Variants in PCDHGB5 observed in about 807,000 individuals in gnomAD.
The protein encoded by PCDHGB5 is protocadherin gamma subfamily B, 5, also known as protocadherin gamma-B5.
Under a neutral mutation model 62.9 loss-of-function variants are expected in PCDHGB5, and 48 were observed. The ratio of observed to expected loss-of-function variants is 0.76; its 90% CI spans 0.61 to 0.97. The LOEUF (loss-of-function observed/expected upper bound fraction) is 0.97. Ranked by LOEUF, PCDHGB5 falls within the 50% of genes least tolerant of loss-of-function variation. PCDHGB5 has a pLI of 0.00. For missense variants in PCDHGB5, 1,118 were observed against 1,198.6 expected, an observed-to-expected ratio of 0.93 and a Z score of 0.99; for synonymous variants, 474 against 511.2, an observed-to-expected ratio of 0.93 and a Z score of 0.98.
At position 141,408,901 on chromosome 5, in the gene PCDHGB5, G is replaced by A. The variant is rs529239605; in HGVS notation, c.2397+8377G>A. On this transcript the variant is annotated intron_variant, in intron 1 of 3. Transcript: ENST00000617380. ...CCGCTCACATAGAAATTTCTGTCAA[G>A]GATACCAATGATAACCCCCCGGTTT... 269 of 1,613,216 alleles carry A rather than the reference G, an allele frequency of 1.7e-4. 6 individuals carry two copies. The South Asian group carries it at 2.8e-3, about 17-fold the overall frequency.
Position 141,489,517 on chromosome 5 carries a change from G to C in PCDHGB5, c.2398-5290G>C. The C allele has an allele frequency of 6.2e-7, 1 of 1,614,136 alleles. No individual in the cohort carries two copies. Among genetic ancestry groups the C allele is most frequent in the Non-Finnish European group, 8.5e-7 (1 of 1,180,044 alleles). On this transcript the variant is annotated intron_variant, in intron 1 of 3. Transcript: ENST00000617380. The surrounding 1 kb of genome is among the most constrained non-coding windows in gnomAD (Gnocchi z 4.5). ...GGCAGTGAATCAAAAGATTGACCGA[G>C]AAAGCCTATGTGGAGCCAGCACCAG...
chr5:141,410,628 T>G (rs758174899), intron 1 of PCDHGB5: 1 of 1,602,040 alleles, frequency 6.2e-7, no homozygotes, highest in South Asian at 1.1e-5. Context: ...TCGGTGAGTT[T>G]CTCTTTTTTG....
chr5:141,483,730 T>G (rs999201456), intron 1 of PCDHGB5, among the ~76,000 whole-genome samples: 1 of 152,014 alleles, frequency 6.6e-6, no homozygotes, highest in Non-Finnish European at 1.5e-5. Flanking sequence ...CCCACCATAG[T>G]CAAAAGGATA....
chr5:141,471,124 A>C (rs2099250596), intron 1 of PCDHGB5, among the ~76,000 whole-genome samples: 1 of 141,916 alleles, frequency 7.0e-6, no homozygotes, highest in East Asian at 2.1e-4. Flanking sequence ...TCTTACCTTC[A>C]CTGCAACCTC....
At chr5:141,475,218 A>G (rs2154572291) in intron 1 of PCDHGB5, among the ~76,000 whole-genome samples, 1 of 152,326 alleles carries the variant, frequency 6.6e-6, no homozygotes, top group African/African-American at 2.4e-5. Flanking sequence ...GGATTGATCA[A>G]GTAAAGGGAA....
chr5:141,423,423 G>C (rs1561809630), intron 1 of PCDHGB5: 2 of 1,614,096 alleles, frequency 1.2e-6, no homozygotes, highest in Non-Finnish European at 8.5e-7. Flanking sequence ...CTGAAGGCGG[G>C]TTGGCAGGTA....
intron 1 of PCDHGB5, among the ~76,000 whole-genome samples, chr5:141,420,845 G>A (rs1038454602): frequency 6.6e-6 from 1 of 152,200 alleles, no homozygotes; most frequent in African/African-American, 2.4e-5. Flanking sequence ...GGTGTTCTTG[G>A]TAAAGTTTTA....
chr5:141,398,512 C>G lies in PCDHGB5; in HGVS notation c.385C>G (p.His129Asp). 1.3e-6 allele frequency: 2 copies of G among 1,588,756 alleles called. No homozygotes were observed. The highest frequency in any genetic ancestry group is 1.7e-6 in the Non-Finnish European group (2 of 1,168,252). The stretch of plus-strand genomic sequence containing the variant: ...TGTGGAGATCGAGGACATTAATGAC[C>G]ACACGCCAAAATTCACGCAAAATTC... ...VNVEIEDINDHTPKFTQNSFE... is the reference protein window; with the variant it reads ...VNVEIEDINDDTPKFTQNSFE... Residue 129 changes from histidine (H) to aspartate (D), a missense_variant, in exon 1 of 4, where the codon CAC (histidine) becomes GAC (aspartate). This residue lies in a region of PCDHGB5 where 1,034 missense variants were observed against 1,029.1 expected (regional missense o/e 1.00). Coordinates refer to ENST00000617380, the MANE Select transcript of PCDHGB5 (RefSeq NM_018925.3).
intron 2 of PCDHGB5, among the ~76,000 whole-genome samples, chr5:141,496,104 G>A (rs950960102): frequency 6.8e-6 from 1 of 146,980 alleles, no homozygotes; most frequent in African/African-American, 2.5e-5. Context: ...CCAACACCCC[G>A]CTCTCTTCCT....
At chr5:141,429,647 T>C (rs1430094173) in intron 1 of PCDHGB5, among the ~76,000 whole-genome samples, 2 of 152,272 alleles carry the variant, frequency 1.3e-5, no homozygotes, top group African/African-American at 4.8e-5. Flanking sequence ...TATATATTTC[T>C]TCCCAATTTA....
At chr5:141,426,052 G>T (rs2096912121) in intron 1 of PCDHGB5, among the ~76,000 whole-genome samples, 1 of 152,162 alleles carries the variant, frequency 6.6e-6, no homozygotes, top group South Asian at 2.1e-4. Flanking sequence ...TGGCCAATGT[G>T]CTGCAAGAAC....
intron 1 of PCDHGB5, among the ~76,000 whole-genome samples, chr5:141,406,261 C>T (rs2154537343): frequency 6.6e-6 from 1 of 152,132 alleles, no homozygotes; most frequent in African/African-American, 2.4e-5. Flanking sequence ...CTCAAACGAT[C>T]TTCCTGCTTC....
intron 1 of PCDHGB5, chr5:141,426,874 C>T: frequency 2.2e-6 from 1 of 456,654 alleles, no homozygotes; most frequent in Non-Finnish European, 4.4e-6. Context: ...CTGGAGAAGC[C>T]CCTGGGCCAG....
At chr5:141,423,500 T>A (rs1191111288) in intron 1 of PCDHGB5, 1 of 1,613,732 alleles carries the variant, frequency 6.2e-7, no homozygotes, top group Non-Finnish European at 8.5e-7. Flanking sequence ...TCCCACGAGG[T>A]CTCTCTCATT....
At chr5:141,406,072 CTT>C (rs530474569) in intron 1 of PCDHGB5, among the ~76,000 whole-genome samples, 69 of 141,430 alleles carry the variant, frequency 4.9e-4, no homozygotes, top group African/African-American at 9.6e-4. Flanking sequence ...ATTCTTACTC[CTT>C]TTTTTTTTTT....
At chr5:141,502,961 A>G (rs886622146) in intron 2 of PCDHGB5, among the ~76,000 whole-genome samples, 3 of 146,786 alleles carry the variant, frequency 2.0e-5, no homozygotes, top group Non-Finnish European at 4.4e-5. Context: ...CTCCTGCCTC[A>G]GCCTCCCAAG....
chr5:141,485,944 G>C lies in PCDHGB5; in HGVS notation c.2398-8863G>C, dbSNP rs2099621875. 1 of 1,613,998 alleles carries C rather than the reference G, an allele frequency of 6.2e-7. No homozygotes were observed. Reference sequence around the variant, plus strand: ...TTAGTGTGTTGGAGAGCGCACCAGCGGGCATGGTGCTCATCCAGCTCAATG... The same window carrying C: ...TTAGTGTGTTGGAGAGCGCACCAGCCGGCATGGTGCTCATCCAGCTCAATG... On this transcript the variant is annotated intron_variant, in intron 1 of 3. Transcript: ENST00000617380. This position sits in a 1 kb window ranked among gnomAD's most constrained non-coding sequence, Gnocchi z 5.7.
rs748115530 is a variant in PCDHGB5 at position 141,489,429 on chromosome 5, G to C, written c.2398-5378G>C. 5 of 1,614,022 alleles carry C rather than the reference G, an allele frequency of 3.1e-6. No individual in the cohort carries two copies. The East Asian group carries it at 8.9e-5, about 29-fold the overall frequency. ...AGATGACAGATCTGTTGAGCCGGCG[G>C]CTGCAATTGGGCTCTGAGGAGAATG... On this transcript the variant is annotated intron_variant, in intron 1 of 3. Transcript: ENST00000617380. The surrounding 1 kb of genome is among the most constrained non-coding windows in gnomAD (Gnocchi z 4.5).
rs1410460145 is a variant in PCDHGB5 at position 141,490,798 on chromosome 5, C to T, written c.2398-4009C>T. On this transcript the variant is annotated intron_variant, in intron 1 of 3. Coordinates refer to ENST00000617380, the MANE Select transcript of PCDHGB5 (RefSeq NM_018925.3). The surrounding 1 kb of genome is among the most constrained non-coding windows in gnomAD (Gnocchi z 5.4). The stretch of plus-strand genomic sequence containing the variant: ...AGAGGATGGACGGATCTTTGCCCAG[C>T]GTACCTTTGACTATGAATTGCTGCA... 9.3e-6 allele frequency: 15 copies of T among 1,613,808 alleles called. No individual in the cohort carries two copies. Among genetic ancestry groups the T allele is most frequent in the Admixed American group, 6.7e-5 (4 of 60,002 alleles).
Sources: gnomAD v4.1 joint callset for allele counts (sites outside exome capture counted in the v4.1 genomes callset) on GRCh38, gnomAD v4.1.1 for gene constraint, gnomAD v4.1.1 regional missense constraint, Gnocchi (gnomAD v3.1) non-coding constraint, MANE v1.5 for transcripts, NCBI Gene and HGNC (gene_info 2026-07-23, HGNC 2026-07-21) for gene names.